AGO2: variants seen among roughly 807,000 people sequenced by gnomAD.
The protein encoded by AGO2 is protein argonaute-2.
Under a neutral mutation model 102.3 loss-of-function variants are expected in AGO2, and 5 were observed. The observed-to-expected ratio is 0.05, with a 90% CI of 0.03 to 0.10. The LOEUF is 0.10. Ranked by LOEUF, AGO2 falls within the 10% of genes least tolerant of loss-of-function variation. The pLI is 1.00. For synonymous variants in AGO2, 449 were observed against 473.1 expected (o/e 0.95, Z 0.66); for missense variants, 541 against 1,183.7 (o/e 0.46, Z 7.97).
intron 1 of AGO2, among the ~76,000 whole-genome samples, chr8:140,587,803 G>A (rs941435996): frequency 7.2e-5 from 11 of 152,298 alleles, no homozygotes; most frequent in Non-Finnish European, 2.9e-5. Flanking sequence ...CTAGGGATGC[G>A]CTCTCCATGT....
chr8:140,529,411 C>T lies in AGO2; in HGVS notation c.*2633G>A, dbSNP rs556495813. The stretch of plus-strand genomic sequence containing the variant: ...TTTACCTGAGAAATTGTAACTACAG[C>T]CATTTAAACTCTGAATCATCAGACA... On this transcript the variant is annotated 3_prime_UTR_variant, in exon 19 of 19. Transcript: ENST00000220592. 54 of 152,162 alleles carry T rather than the reference C, an allele frequency of 3.5e-4. No individual in the cohort carries two copies. Among genetic ancestry groups the T allele is most frequent in the Non-Finnish European group, 6.0e-4 (41 of 68,026 alleles). The allele number at this position is 152,162 out of a possible 1,614,324, so 9.4% of individuals were successfully genotyped here. A position where few individuals can be genotyped will look rare whatever the true frequency, so the allele number is the denominator to read the frequency against.
chr8:140,534,139 C>A (rs527896207), intron 17 of AGO2, among the ~76,000 whole-genome samples: 1 of 152,226 alleles, frequency 6.6e-6, no homozygotes, highest in African/African-American at 2.4e-5. Context: ...TGCTCCGGCA[C>A]CCCTTTCCTG....
Position 140,589,846 on chromosome 8 carries a change from A to G in AGO2, c.23-4535T>C. On this transcript the variant is annotated intron_variant, in intron 1 of 18. Coordinates refer to ENST00000220592, the MANE Select transcript of AGO2 (RefSeq NM_012154.5). This position sits in a 1 kb window ranked among gnomAD's most constrained non-coding sequence, Gnocchi z 4.2. ...AGTGATGGCTCAGTGAGTACAGACC[A>G]GAGAGTAGATGCTATCAAGCTGTAC... 6.6e-6 allele frequency among the ~76,000 whole-genome samples: 1 copy of G among 152,042 alleles called. No individual in the cohort carries two copies. The highest frequency in any genetic ancestry group is 6.6e-5 in the Admixed American group (1 of 15,260).
chr8:140,531,065 C>T lies in AGO2; in HGVS notation c.*979G>A, dbSNP rs2072587514. 1 of 152,354 alleles carries T rather than the reference C, an allele frequency of 6.6e-6. No individual in the cohort carries two copies. Among genetic ancestry groups the T allele is most frequent in the Non-Finnish European group, 1.5e-5 (1 of 68,054 alleles). 9.4% of individuals were successfully genotyped at this position (152,354 alleles called of 1,614,324 possible). A position where few individuals can be genotyped will look rare whatever the true frequency, so the allele number is the denominator to read the frequency against. ...TAAGCACTAAGAACTGAGAGGCGGT[C>T]CCATCTCCAGGCTCCAAAACACTCT... On this transcript the variant is annotated 3_prime_UTR_variant, in exon 19 of 19. Transcript: ENST00000220592.
intron 2 of AGO2, among the ~76,000 whole-genome samples, chr8:140,576,304 A>C (rs1326358283): frequency 6.6e-6 from 1 of 152,258 alleles, no homozygotes. Context: ...TGACAGAGTG[A>C]GACTCTATCT....
intron 10 of AGO2, among the ~76,000 whole-genome samples, chr8:140,554,045 T>A (rs1354230992): frequency 1.3e-5 from 2 of 152,242 alleles, no homozygotes; most frequent in Non-Finnish European, 2.9e-5. Context: ...TTTTGCAACG[T>A]TGGCTTACAC....
rs1204924551 is a variant in AGO2 at position 140,530,665 on chromosome 8, T to C, written c.*1379A>G. 6.6e-6 allele frequency: 1 copy of C among 152,252 alleles called. No individual in the cohort carries two copies. The highest frequency in any genetic ancestry group is 2.4e-5 in the African/African-American group (1 of 41,444). The allele number at this position is 152,252 out of a possible 1,614,324, so 9.4% of individuals were successfully genotyped here. A position where few individuals can be genotyped will look rare whatever the true frequency, so the allele number is the denominator to read the frequency against. The stretch of plus-strand genomic sequence containing the variant: ...AACCCCAGAAGAACGGCCCATGCCC[T>C]CTGCTGGCCCTGCTATCCTTGGGCC... On this transcript the variant is annotated 3_prime_UTR_variant, in exon 19 of 19. Transcript: ENST00000220592.
In AGO2 at chr8:140,532,295, C is replaced by T. The variant is rs1168438269; in HGVS notation, c.2471+121G>A. On this transcript the variant is annotated intron_variant, in intron 18 of 18. Transcript: ENST00000220592. ...CGCTGACGGCCGTGCCATTAACAGG[C>T]CTTCTGGGGTGCCGGCTCCAGCCGC... 4.3e-6 allele frequency: 6 copies of T among 1,402,560 alleles called. No homozygotes were observed. The East Asian group carries it at 1.2e-4, about 27-fold the overall frequency. The allele number at this position is 1,402,560 out of a possible 1,614,324, so 86.9% of individuals were successfully genotyped here.
At chr8:140,580,411 C>T (rs80002913) in intron 2 of AGO2, among the ~76,000 whole-genome samples, 2 of 152,218 alleles carry the variant, frequency 1.3e-5, no homozygotes, top group African/African-American at 2.4e-5. Flanking sequence ...TGGGAACTCA[C>T]GACTAAGACG....
rs78254118 is a variant in AGO2, at chr8:140,530,309, G to A, written c.*1735C>T. 1 of 56,010 alleles carries A rather than the reference G, an allele frequency of 1.8e-5. No individual in the cohort carries two copies. Among genetic ancestry groups the A allele is most frequent in the Non-Finnish European group, 4.8e-5 (1 of 20,976 alleles). 3.5% of individuals were successfully genotyped at this position (56,010 alleles called of 1,614,324 possible). ...CTCCAAAGCAGCTGAGCACAAAGGT[G>A]GGGGGGGGGGTGCCGCTGAGCAGGA... On this transcript the variant is annotated 3_prime_UTR_variant, in exon 19 of 19. Transcript: ENST00000220592.
chr8:140,563,393 G>A (rs945680645), intron 3 of AGO2, among the ~76,000 whole-genome samples: 5 of 152,198 alleles, frequency 3.3e-5, no homozygotes, highest in Non-Finnish European at 5.9e-5. Context: ...ACCAAACTCG[G>A]CTAATTTTTT....
At position 140,560,443 on chromosome 8, in the gene AGO2, G is replaced by T. The variant is rs1005112700; in HGVS notation, c.586C>A (p.Arg196=). ...TGATGGAAGCCAAACCACACTTCTCGGCCCCCGCCAAGAGGGTTAGAGCAG... is the reference window on the plus strand; with the variant it reads ...TGATGGAAGCCAAACCACACTTCTCTGCCCCCGCCAAGAGGGTTAGAGCAG... ...EGCSNPLGGG[R]EVWFGFHQSV... is the part of the protein sequence containing the mutation. Residue 196 remains arginine (R), a synonymous_variant, in exon 5 of 19, where the codon CGA becomes AGA. Coordinates refer to ENST00000220592, the MANE Select transcript of AGO2 (RefSeq NM_012154.5). 3.1e-6 allele frequency: 5 copies of T among 1,614,074 alleles called. No homozygotes were observed. The African/African-American group carries it at 6.7e-5, about 22-fold the overall frequency.
At chr8:140,547,332 C>T in intron 13 of AGO2, 136 bp downstream of exon 13, 1 of 1,133,550 alleles carries the variant, frequency 8.8e-7, no homozygotes, top group Middle Eastern at 2.9e-4. Context: ...GACATCTTTG[C>T]TCTGCTGTGG....
intron 1 of AGO2, chr8:140,593,001 C>G (rs2073766287): frequency 6.6e-6 from 1 of 152,232 alleles, no homozygotes. Flanking sequence ...TCCAGTTTGC[C>G]CCTCCACCAA....
chr8:140,560,934 C>A (rs1254993628), intron 4 of AGO2, among the ~76,000 whole-genome samples: 1 of 152,242 alleles, frequency 6.6e-6, no homozygotes, highest in East Asian at 1.9e-4. Context: ...CAGGCCCAGC[C>A]CCAGCCGTGG....
intron 1 of AGO2, among the ~76,000 whole-genome samples, chr8:140,608,152 A>G (rs962989926): frequency 1.3e-5 from 2 of 152,110 alleles, no homozygotes; most frequent in African/African-American, 2.4e-5. Flanking sequence ...CTGTCTGGAG[A>G]AACCAAAGCT....
chr8:140,586,736 C>T (rs746334845), intron 1 of AGO2, among the ~76,000 whole-genome samples: 25 of 152,198 alleles, frequency 1.6e-4, no homozygotes, highest in Non-Finnish European at 2.8e-4. Flanking sequence ...TACGCCACAC[C>T]GGAGTAGAAC....
intron 1 of AGO2, among the ~76,000 whole-genome samples, chr8:140,590,646 G>C (rs1232101406): frequency 6.6e-6 from 1 of 152,188 alleles, no homozygotes; most frequent in Non-Finnish European, 1.5e-5. Context: ...CCTGCCTCTA[G>C]CCAGAGCTCT....
intron 1 of AGO2, among the ~76,000 whole-genome samples, chr8:140,629,907 G>A (rs867450401): frequency 1.4e-5 from 2 of 144,900 alleles, no homozygotes; most frequent in Admixed American, 6.9e-5. Context: ...GGAGGGGAGC[G>A]GAGGCGAGGG....
Sources: allele counts gnomAD v4.1 joint callset (sites outside exome capture counted in the v4.1 genomes callset), GRCh38; gene constraint gnomAD v4.1.1; non-coding constraint Gnocchi (gnomAD v3.1); transcripts MANE v1.5; gene names NCBI Gene and HGNC (gene_info 2026-07-23, HGNC 2026-07-21).